The following EBF1 variants were observed in gnomAD, a reference collection of about 807,000 sequenced individuals.
EBF1 encodes transcription factor COE1.
Under a neutral mutation model 68.4 loss-of-function variants are expected in EBF1, and 10 were observed. The observed-to-expected ratio is 0.15, with a 90% CI of 0.09 to 0.25. The LOEUF is 0.25. EBF1 is among the 10% of genes least tolerant of loss of function. EBF1 has a pLI of 1.00. For synonymous variants in EBF1, 298 were observed against 299.8 expected, an observed-to-expected ratio of 0.99 and a Z score of 0.06; for missense variants, 509 against 794.4, an observed-to-expected ratio of 0.64 and a Z score of 4.32.
chr5:158,872,194 T>G (rs1473799330), intron 6 of EBF1, among the ~76,000 whole-genome samples: 1 of 148,626 alleles, frequency 6.7e-6, no homozygotes, highest in African/African-American at 2.5e-5. Context: ...TTTTGGTCTT[T>G]TCTTTTCTTT....
chr5:158,707,329 C>A (rs1159517727), intron 15 of EBF1, among the ~76,000 whole-genome samples: 1 of 152,176 alleles, frequency 6.6e-6, no homozygotes, highest in Non-Finnish European at 1.5e-5. Flanking sequence ...CAACTCTTAG[C>A]AACTATTTTA....
intron 9 of EBF1, among the ~76,000 whole-genome samples, chr5:158,785,489 C>T (rs912065136): frequency 2.0e-5 from 3 of 152,162 alleles, no homozygotes; most frequent in Non-Finnish European, 4.4e-5. Context: ...GTTCCCTAAT[C>T]AGAGTTCTCT....
At chr5:158,753,119 AT>A (rs565647722) in intron 10 of EBF1, among the ~76,000 whole-genome samples, 15 of 151,810 alleles carry the variant, frequency 9.9e-5, no homozygotes, top group South Asian at 8.3e-4. Context: ...GCAGAAAGTA[AT>A]TTTTTTTTAT....
chr5:158,958,786 G>A (rs928816877), intron 6 of EBF1, among the ~76,000 whole-genome samples: 2 of 152,064 alleles, frequency 1.3e-5, no homozygotes, highest in East Asian at 1.9e-4. Context: ...CAGAAACGCC[G>A]TTTTCTAACC....
At chr5:158,705,896 C>G (rs184113963) in intron 15 of EBF1, among the ~76,000 whole-genome samples, 1 of 152,204 alleles carries the variant, frequency 6.6e-6, no homozygotes, top group Non-Finnish European at 1.5e-5. Context: ...GATTATAAAC[C>G]CCATCATATC....
intron 11 of EBF1, among the ~76,000 whole-genome samples, chr5:158,723,402 T>G (rs1444166643): frequency 6.6e-6 from 1 of 152,162 alleles, no homozygotes; most frequent in South Asian, 2.1e-4. Context: ...CGTAAACACA[T>G]GCCTCTGTGT....
intron 11 of EBF1, among the ~76,000 whole-genome samples, chr5:158,721,903 CTT>C (rs879649056): frequency 6.9e-6 from 1 of 145,588 alleles, no homozygotes; most frequent in Admixed American, 6.9e-5. Context: ...TTTCCCCTCC[CTT>C]TTTTTTTTTT....
intron 11 of EBF1, 117 bp downstream of exon 11, chr5:158,730,952 C>A (rs899591411): frequency 1.1e-6 from 1 of 931,722 alleles, no homozygotes; most frequent in Non-Finnish European, 1.6e-6. Context: ...GCACCAAACA[C>A]ACAAAACACA....
At chr5:158,705,706 T>C (rs1425305788) in intron 15 of EBF1, among the ~76,000 whole-genome samples, 1 of 152,196 alleles carries the variant, frequency 6.6e-6, no homozygotes, top group Non-Finnish European at 1.5e-5. Flanking sequence ...CAGGAAGTCA[T>C]AAGATCTGAG....
At chr5:158,736,393 A>G (rs957212485) in intron 10 of EBF1, among the ~76,000 whole-genome samples, 7 of 152,202 alleles carry the variant, frequency 4.6e-5, no homozygotes, top group Non-Finnish European at 7.3e-5. Context: ...CCCTGCTTTT[A>G]TAGCTCAGCG....
intron 6 of EBF1, among the ~76,000 whole-genome samples, chr5:159,005,070 G>A (rs926837695): frequency 2.6e-5 from 4 of 152,192 alleles, no homozygotes; most frequent in Non-Finnish European, 5.9e-5. Context: ...TGGCTTAACA[G>A]CAAATTTAGA....
chr5:158,840,861 C>T, intron 6 of EBF1, among the ~76,000 whole-genome samples: 1 of 150,352 alleles, frequency 6.7e-6, no homozygotes, highest in Non-Finnish European at 1.5e-5. Context: ...TTAGTAGAGA[C>T]GGGGTTTCAC....
intron 8 of EBF1, among the ~76,000 whole-genome samples, chr5:158,811,458 C>G (rs1782652016): frequency 6.6e-6 from 1 of 152,176 alleles, no homozygotes; most frequent in South Asian, 2.1e-4. Flanking sequence ...CTTGGAGATT[C>G]AAAAGCTGCA....
At chr5:158,756,988 A>G (rs2277041) in intron 10 of EBF1, among the ~76,000 whole-genome samples, 21,999 of 151,448 alleles carry the variant, frequency 0.15, 1,738 homozygotes, top group Non-Finnish European at 0.17. Context: ...AAAAAAAAAA[A>G]AAAAAGAAAA....
chr5:158,871,157 T>C (rs1275659369), intron 6 of EBF1, among the ~76,000 whole-genome samples: 1 of 152,182 alleles, frequency 6.6e-6, no homozygotes. Context: ...ATAAGTGAGG[T>C]GCTCATCTAG....
chr5:158,819,705 G>C lies in EBF1; in HGVS notation c.778+3471C>G, dbSNP rs72643431. 5.0e-3 allele frequency among the ~76,000 whole-genome samples: 757 copies of C among 152,300 alleles called. 38 individuals carry two copies. The East Asian group carries it at 0.1, about 21-fold the overall frequency. On this transcript the variant is annotated intron_variant, in intron 8 of 15. Transcript: ENST00000313708. The stretch of plus-strand genomic sequence containing the variant: ...GCTTTTTCAAAAATTGGAACTGAGA[G>C]AGCAGTTACATTTTGAGGCTGCCTG...
At chr5:159,006,977 T>C (rs1245035626) in intron 6 of EBF1, among the ~76,000 whole-genome samples, 1 of 152,236 alleles carries the variant, frequency 6.6e-6, no homozygotes, top group Non-Finnish European at 1.5e-5. Context: ...TTCCTATTAA[T>C]GCAACACTTA....
At chr5:158,843,347 C>T (rs1790713536) in intron 6 of EBF1, among the ~76,000 whole-genome samples, 1 of 152,202 alleles carries the variant, frequency 6.6e-6, no homozygotes, top group African/African-American at 2.4e-5. Context: ...GACAGGCAAA[C>T]AGGACACCAG....
At chr5:158,743,254 G>T (rs1292858889) in intron 10 of EBF1, among the ~76,000 whole-genome samples, 1 of 152,186 alleles carries the variant, frequency 6.6e-6, no homozygotes, top group Non-Finnish European at 1.5e-5. Context: ...AGATAAATAG[G>T]ATTTTTCTAC....
Sources: gnomAD v4.1 joint callset for allele counts (sites outside exome capture counted in the v4.1 genomes callset) on GRCh38, gnomAD v4.1.1 for gene constraint, MANE v1.5 for transcripts, NCBI Gene and HGNC (gene_info 2026-07-23, HGNC 2026-07-21) for gene names.